BABAM2: variants seen among roughly 807,000 people sequenced by gnomAD.
BABAM2 encodes the protein BRISC and BRCA1 A complex member 2, also known as BRISC and BRCA1-A complex member 2.
Under a neutral mutation model 54.7 loss-of-function variants are expected in BABAM2, and 31 were observed. That is an observed-to-expected ratio of 0.57 (90% CI 0.43 to 0.77). BABAM2 has a LOEUF of 0.77. Ranked by LOEUF, BABAM2 falls within the 30% of genes least tolerant of loss-of-function variation. The pLI is 0.00. For missense variants in BABAM2, 364 were observed against 455.8 expected (o/e 0.80, Z 1.83); for synonymous variants, 167 against 162.9 (o/e 1.03, Z -0.19).
At chr2:28,032,877 C>T (rs1259739332) in intron 5 of BABAM2, among the ~76,000 whole-genome samples, 1 of 151,922 alleles carries the variant, frequency 6.6e-6, no homozygotes, top group African/African-American at 2.4e-5. Flanking sequence ...CCTGAGTATC[C>T]TTCACTCAGT....
chr2:27,993,965 C>T (rs961887692), intron 4 of BABAM2, among the ~76,000 whole-genome samples: 3 of 152,194 alleles, frequency 2.0e-5, no homozygotes, highest in Non-Finnish European at 4.4e-5. Flanking sequence ...GCATGTCACA[C>T]ACTTGAAAAA....
At chr2:28,082,195 G>A (rs1296726661) in intron 6 of BABAM2, among the ~76,000 whole-genome samples, 4 of 152,174 alleles carry the variant, frequency 2.6e-5, no homozygotes, top group East Asian at 3.8e-4. Context: ...CTTTTTCAGC[G>A]TGATATATTT....
At chr2:27,890,186 C>G, upstream of BABAM2, 1 of 1,472,036 alleles carries the variant, frequency 6.8e-7, no homozygotes, top group Admixed American at 1.7e-5. The surrounding 1 kb of genome is among the most constrained non-coding windows in gnomAD (Gnocchi z 4.8). Context: ...CCCAAAAGCT[C>G]CACTGGGCGC....
chr2:28,086,678 TAGAC>T (rs1665669887), intron 6 of BABAM2, among the ~76,000 whole-genome samples: 2 of 152,240 alleles, frequency 1.3e-5, no homozygotes, highest in Non-Finnish European at 1.5e-5. Flanking sequence ...AAACTGTACT[TAGAC>T]AGAAATAACA....
At chr2:27,991,479 A>G (rs756103222) in intron 4 of BABAM2, among the ~76,000 whole-genome samples, 1 of 152,216 alleles carries the variant, frequency 6.6e-6, no homozygotes, top group East Asian at 1.9e-4. Flanking sequence ...GCTTGCATCT[A>G]TCACCACAAA....
In BABAM2 at chr2:27,940,340, T is replaced by C. The variant is rs543815508; in HGVS notation, c.205+10432T>C. On this transcript the variant is annotated intron_variant, in intron 3 of 11. Coordinates refer to ENST00000379624, the MANE Select transcript of BABAM2 (RefSeq NM_199191.3). ...ACTCTAGAAGAAATTATTCCATTTG[T>C]GTTTTTGTGTACTGTATTTAAATAG... 1.2e-4 allele frequency among the ~76,000 whole-genome samples: 18 copies of C among 152,346 alleles called. No homozygotes were observed. The South Asian group carries it at 2.9e-3, about 25-fold the overall frequency.
chr2:28,287,838 AG>A (rs1458539433), intron 10 of BABAM2, among the ~76,000 whole-genome samples: 2 of 152,218 alleles, frequency 1.3e-5, no homozygotes, highest in Non-Finnish European at 2.9e-5. Flanking sequence ...CAGGAGGTGC[AG>A]AGTTCACACC....
chr2:28,024,832 T>C (rs977372468), intron 4 of BABAM2, among the ~76,000 whole-genome samples: 2 of 152,214 alleles, frequency 1.3e-5, no homozygotes, highest in African/African-American at 4.8e-5. Context: ...TGAATTACTT[T>C]AGCATATAAT....
chr2:28,292,625 T>A (rs1687378587), intron 10 of BABAM2, among the ~76,000 whole-genome samples: 1 of 152,166 alleles, frequency 6.6e-6, no homozygotes, highest in Admixed American at 6.5e-5. Context: ...TCCCTCATGG[T>A]CACAAGATGG....
chr2:27,890,569 GC>G, upstream of BABAM2: 1 of 519,184 alleles, frequency 1.9e-6, no homozygotes, highest in Non-Finnish European at 3.5e-6. This position sits in a 1 kb window ranked among gnomAD's most constrained non-coding sequence, Gnocchi z 4.8. Context: ...TCCTGATATG[GC>G]GAGACTCCGC....
chr2:28,133,954 C>A (rs1350704612), intron 7 of BABAM2, among the ~76,000 whole-genome samples: 1 of 152,068 alleles, frequency 6.6e-6, no homozygotes. Context: ...GCAGCCCTGC[C>A]GCACGTGGCT....
intron 3 of BABAM2, among the ~76,000 whole-genome samples, chr2:27,963,891 T>TGTGAC (rs1670658732): frequency 6.6e-6 from 1 of 152,230 alleles, no homozygotes; most frequent in Admixed American, 6.5e-5. Flanking sequence ...AGACAGCTAC[T>TGTGAC]GTGACATATG....
intron 4 of BABAM2, among the ~76,000 whole-genome samples, chr2:28,014,402 C>G (rs1341569543): frequency 6.6e-6 from 1 of 152,192 alleles, no homozygotes; most frequent in African/African-American, 2.4e-5. Context: ...AGCCCCCAAA[C>G]ACAAGTCGCA....
At chr2:27,949,619 C>A (rs952095734) in intron 3 of BABAM2, among the ~76,000 whole-genome samples, 1 of 151,840 alleles carries the variant, frequency 6.6e-6, no homozygotes, top group African/African-American at 2.4e-5. Context: ...CAGATAATTG[C>A]TGATAATCAT....
chr2:28,249,067 T>TTTTG (rs1200121074), intron 10 of BABAM2, among the ~76,000 whole-genome samples: 3 of 151,696 alleles, frequency 2.0e-5, no homozygotes, highest in Non-Finnish European at 2.9e-5. Context: ...AAGTATAGCT[T>TTTTG]TTTGTTTGTT....
intron 2 of BABAM2, among the ~76,000 whole-genome samples, chr2:27,923,090 C>A (rs1368932901): frequency 6.6e-6 from 1 of 152,096 alleles, no homozygotes; most frequent in African/African-American, 2.4e-5. Context: ...CCAAGCCATT[C>A]CCAAATTCCG....
intron 3 of BABAM2, among the ~76,000 whole-genome samples, chr2:27,953,320 G>A (rs1028047124): frequency 3.3e-5 from 5 of 152,018 alleles, no homozygotes; most frequent in Admixed American, 6.6e-5. Flanking sequence ...TAGCTGGGGT[G>A]GGAGGAGCCT....
At chr2:27,941,258 A>AT (rs921200785) in intron 3 of BABAM2, among the ~76,000 whole-genome samples, 25 of 151,916 alleles carry the variant, frequency 1.6e-4, no homozygotes, top group South Asian at 8.3e-4. Flanking sequence ...AAATGTAGAC[A>AT]TTTTTTTGTC....
At chr2:27,994,647 A>G (rs796660528) in intron 4 of BABAM2, among the ~76,000 whole-genome samples, 15 of 152,270 alleles carry the variant, frequency 9.9e-5, no homozygotes, top group African/African-American at 3.6e-4. Flanking sequence ...GTTCATGCTC[A>G]TTGCTGATAG....
Sources: gnomAD v4.1 joint callset for allele counts (sites outside exome capture counted in the v4.1 genomes callset) on GRCh38, gnomAD v4.1.1 for gene constraint, Gnocchi (gnomAD v3.1) non-coding constraint, MANE v1.5 for transcripts, NCBI Gene and HGNC (gene_info 2026-07-23, HGNC 2026-07-21) for gene names.